The following INPP5A variants were observed in gnomAD, a reference collection of about 807,000 sequenced individuals.
INPP5A encodes the protein 43 kDa inositol polyphosphate 5-phophatase.
In INPP5A, 14 loss-of-function variants were observed where a neutral mutation model predicts 65.2. The observed-to-expected ratio is 0.21, with a 90% CI of 0.14 to 0.34. The LOEUF is 0.34. Ranked by LOEUF, INPP5A falls within the 10% of genes least tolerant of loss-of-function variation. The pLI is 1.00. For synonymous variants in INPP5A, 207 were observed against 208.3 expected (o/e 0.99, Z 0.05); for missense variants, 431 against 545.6 (o/e 0.79, Z 2.09).
intron 9 of INPP5A, among the ~76,000 whole-genome samples, chr10:132,742,688 C>T (rs539327932): frequency 3.3e-5 from 5 of 152,310 alleles, no homozygotes; most frequent in African/African-American, 9.6e-5. Context: ...CCGATGAGTT[C>T]GGACCGTGAG....
intron 1 of INPP5A, among the ~76,000 whole-genome samples, chr10:132,602,330 C>T (rs1590859838): frequency 6.6e-6 from 1 of 152,222 alleles, no homozygotes; most frequent in South Asian, 2.1e-4. Context: ...GAGTCTCGTT[C>T]TGTCACCTAG....
At chr10:132,553,476 T>C (rs56096044) in intron 1 of INPP5A, among the ~76,000 whole-genome samples, 2 of 118,162 alleles carry the variant, frequency 1.7e-5, no homozygotes, top group South Asian at 2.9e-4. Context: ...TTGAGTAGGA[T>C]AGGGAGGGAG....
intron 6 of INPP5A, among the ~76,000 whole-genome samples, chr10:132,701,550 G>C (rs1845437597): frequency 6.6e-6 from 1 of 152,240 alleles, no homozygotes; most frequent in African/African-American, 2.4e-5. Context: ...CCTGAGTCCT[G>C]AGCATGTGAG....
chr10:132,771,727 GA>G (rs1565011513), intron 12 of INPP5A, among the ~76,000 whole-genome samples: 47 of 71,982 alleles, frequency 6.5e-4, no homozygotes, highest in East Asian at 1.4e-3. Flanking sequence ...GAGTGGGACA[GA>G]CACTCAGCAC....
At position 132,706,087 on chromosome 10, in the gene INPP5A, A is replaced by G. The variant is rs1315651071; in HGVS notation, c.475-2226A>G. Among the ~76,000 whole-genome samples, 3 of 152,280 alleles carry G rather than the reference A, an allele frequency of 2.0e-5. No individual in the cohort carries two copies. Among genetic ancestry groups the G allele is most frequent in the African/African-American group, 7.2e-5 (3 of 41,478 alleles). ...AGAGGAGCCTGTAGAAACATTAAAC[A>G]TTCTGCATTAGAAATTACAGAACAG... On this transcript the variant is annotated intron_variant, in intron 6 of 15. Coordinates refer to ENST00000368594, the MANE Select transcript of INPP5A (RefSeq NM_005539.5). This position sits in a 1 kb window ranked among gnomAD's most constrained non-coding sequence, Gnocchi z 4.7.
rs149557814 is a variant in INPP5A, at chr10:132,708,782, G to A, written c.527+417G>A. On this transcript the variant is annotated intron_variant, in intron 7 of 15. Transcript: ENST00000368594. ...TGAGCACAGACGTAGCGGAGCCTGC[G>A]TCTCATCCACATATCCTCTGGCCTG... Among the ~76,000 whole-genome samples, 524 of 152,296 alleles carry A rather than the reference G, an allele frequency of 3.4e-3. 2 individuals are homozygous for A. Among genetic ancestry groups the A allele is most frequent in the Non-Finnish European group, 3.9e-3 (268 of 68,018 alleles).
intron 4 of INPP5A, among the ~76,000 whole-genome samples, chr10:132,688,472 T>G (rs1007353811): frequency 1.3e-5 from 2 of 152,188 alleles, no homozygotes; most frequent in South Asian, 4.1e-4. Context: ...TTGACTTTCT[T>G]AGAGAGACAA....
intron 1 of INPP5A, among the ~76,000 whole-genome samples, chr10:132,570,709 C>T (rs1209410507): frequency 1.3e-5 from 2 of 151,774 alleles, no homozygotes; most frequent in African/African-American, 2.4e-5. Context: ...AACAATAAAA[C>T]CAAGGGACCA....
chr10:132,652,512 G>A lies in INPP5A; in HGVS notation c.306+2007G>A, dbSNP rs73383174. 2.1e-3 allele frequency among the ~76,000 whole-genome samples: 321 copies of A among 152,324 alleles called. 2 individuals carry two copies. Among genetic ancestry groups the A allele is most frequent in the African/African-American group, 6.9e-3 (287 of 41,576 alleles). ...AACATACCAACGCAGGCCAAGGTCC[G>A]ATTGCTGAAAGCAAGTTACATGAAG... On this transcript the variant is annotated intron_variant, in intron 4 of 15. Coordinates refer to ENST00000368594, the MANE Select transcript of INPP5A (RefSeq NM_005539.5).
At position 132,545,137 on chromosome 10, in the gene INPP5A, G is replaced by A. The variant is rs538460985; in HGVS notation, c.75+6966G>A. On this transcript the variant is annotated intron_variant, in intron 1 of 15. Coordinates refer to ENST00000368594, the MANE Select transcript of INPP5A (RefSeq NM_005539.5). The surrounding 1 kb of genome is among the most constrained non-coding windows in gnomAD (Gnocchi z 4.6). ...GTCCGTGTGGAGTTGTGGGGCAGGT[G>A]GAGCAGGGCAGAGGGCCCCGCACGG... Among the ~76,000 whole-genome samples, 5 of 152,226 alleles carry A rather than the reference G, an allele frequency of 3.3e-5. No individual in the cohort carries two copies. In the South Asian group the frequency reaches 1.0e-3, roughly 32 times the overall value.
chr10:132,560,479 A>G (rs1345019322), intron 1 of INPP5A, among the ~76,000 whole-genome samples: 2 of 152,084 alleles, frequency 1.3e-5, no homozygotes, highest in Admixed American at 6.5e-5. Context: ...GTGCAGTGGT[A>G]TCTCCTGGTG....
In INPP5A at chr10:132,710,558, G is replaced by A. The variant is rs1161796475; in HGVS notation, c.647+102G>A. On this transcript the variant is annotated intron_variant, in intron 8 of 15. Transcript: ENST00000368594. ...GTGTGGGCGGACAAGTAGGTATGCT[G>A]GGCAGGTCGGTGTGGGTGGACAGGT... 6.0e-6 allele frequency: 9 copies of A among 1,502,676 alleles called. No individual in the cohort carries two copies. The East Asian group carries it at 7.4e-5, about 12-fold the overall frequency. The allele number at this position is 1,502,676 out of a possible 1,614,324, so 93.1% of individuals were successfully genotyped here.
At chr10:132,666,294 A>G (rs990381890) in intron 4 of INPP5A, among the ~76,000 whole-genome samples, 5 of 152,152 alleles carry the variant, frequency 3.3e-5, no homozygotes, top group African/African-American at 9.7e-5. Flanking sequence ...ACATTATTCC[A>G]TGTTTTCACT....
At chr10:132,759,429 A>G (rs1330561759) in intron 11 of INPP5A, among the ~76,000 whole-genome samples, 1 of 152,224 alleles carries the variant, frequency 6.6e-6, no homozygotes, top group Non-Finnish European at 1.5e-5. Flanking sequence ...CAAAGGGTGC[A>G]CAGGCCTGGA....
In INPP5A at chr10:132,690,377, CT is replaced by C. The variant is rs757961205; in HGVS notation, c.307-10del. 1.3e-5 allele frequency: 20 copies of C among 1,555,412 alleles called. No homozygotes were observed. The Admixed American group carries it at 3.0e-4, about 24-fold the overall frequency. On this transcript the variant is annotated splice_polypyrimidine_tract_variant and intron_variant, in intron 4 of 15. Transcript: ENST00000368594. Reference sequence around the variant, plus strand: ...AGCACCAGTCTCTCATTTGATTTCTCTTTTTGCTCTACAGGCACTAGGAAGC... The same window carrying C: ...AGCACCAGTCTCTCATTTGATTTCTCTTTTGCTCTACAGGCACTAGGAAGC...
rs572118304 is a variant in INPP5A, at chr10:132,732,677, G to A, written c.732+5772G>A. Among the ~76,000 whole-genome samples the A allele has an allele frequency of 2.2e-4, 34 of 152,292 alleles. 1 individual carries two copies. In the East Asian group the frequency reaches 5.0e-3, roughly 23 times the overall value. On this transcript the variant is annotated intron_variant, in intron 9 of 15. Coordinates refer to ENST00000368594, the MANE Select transcript of INPP5A (RefSeq NM_005539.5). ...TGAGGAGTCACAGGACCCTGGAACC[G>A]ACCACGGGGAGGACCCTGAGGCCCA...
rs948102717 is a variant in INPP5A, at chr10:132,587,488, C to T, written c.76-20427C>T. Among the ~76,000 whole-genome samples, 3 of 152,174 alleles carry T rather than the reference C, an allele frequency of 2.0e-5. No individual in the cohort carries two copies. Among genetic ancestry groups the T allele is most frequent in the African/African-American group, 4.8e-5 (2 of 41,436 alleles). Reference sequence around the variant, plus strand: ...GGGGAAAGGATGCGGCCATACCAGACGGAACCTTTGTCCACAGGGTCCCTG... The same window carrying T: ...GGGGAAAGGATGCGGCCATACCAGATGGAACCTTTGTCCACAGGGTCCCTG... On this transcript the variant is annotated intron_variant, in intron 1 of 15. Transcript: ENST00000368594. The surrounding 1 kb of genome is among the most constrained non-coding windows in gnomAD (Gnocchi z 4.3).
intron 8 of INPP5A, 145 bp downstream of exon 8, chr10:132,710,601 C>T (rs1293946407): frequency 8.7e-7 from 1 of 1,143,158 alleles, no homozygotes; most frequent in East Asian, 2.6e-5. Flanking sequence ...GTGGACAGGT[C>T]AGTGTGGATG....
chr10:132,601,509 C>T (rs2493897), intron 1 of INPP5A, among the ~76,000 whole-genome samples: 37,483 of 152,114 alleles, frequency 0.25, 5,463 homozygotes, highest in East Asian at 0.5. Flanking sequence ...TTTGATGTCC[C>T]GCTTGTCTGT....
Sources: allele counts gnomAD v4.1 joint callset (sites outside exome capture counted in the v4.1 genomes callset), GRCh38; gene constraint gnomAD v4.1.1; non-coding constraint Gnocchi (gnomAD v3.1); transcripts MANE v1.5; gene names NCBI Gene and HGNC (gene_info 2026-07-23, HGNC 2026-07-21).